Variants in EPB41 observed in about 807,000 individuals in gnomAD.
EPB41 encodes erythrocyte membrane protein band 4.1.
Under a neutral mutation model 108.0 loss-of-function variants are expected in EPB41, and 65 were observed. The ratio of observed to expected loss-of-function variants is 0.60; its 90% CI spans 0.49 to 0.74. EPB41 has a LOEUF of 0.74. Ranked by LOEUF, EPB41 falls within the 30% of genes least tolerant of loss-of-function variation. The pLI is 0.00. For missense variants in EPB41, 875 were observed against 1,037.0 expected (o/e 0.84, Z 2.15); for synonymous variants, 336 against 358.9 (o/e 0.94, Z 0.72).
chr1:28,961,912 G>A (rs528085936), intron 1 of EPB41, among the ~76,000 whole-genome samples: 1 of 152,060 alleles, frequency 6.6e-6, no homozygotes, highest in Non-Finnish European at 1.5e-5. Flanking sequence ...AACCCATCAT[G>A]GGTTTATAGC....
At position 28,944,534 on chromosome 1, in the gene EPB41, G is replaced by GTTTTTT. The variant is rs55849161; in HGVS notation, c.-8+29784_-8+29789dup. Among the ~76,000 whole-genome samples the GTTTTTT allele has an allele frequency of 3.7e-4, 36 of 97,416 alleles. 1 individual carries two copies. Among genetic ancestry groups the GTTTTTT allele is most frequent in the Non-Finnish European group, 4.1e-4 (21 of 50,624 alleles). The allele number at this position is 97,416 out of a possible 152,430, so 63.9% of individuals were successfully genotyped here. ...ATTAAACATAAAACTCTCAGATCTG[G>GTTTTTT]TTTTTTTTTTTTTTTTTTTTTTTGA... On this transcript the variant is annotated intron_variant, in intron 1 of 20. Coordinates refer to ENST00000343067, the MANE Select transcript of EPB41 (RefSeq NM_001376013.1).
At position 29,011,212 on chromosome 1, in the gene EPB41, A is replaced by G. The variant is rs903000693; in HGVS notation, c.787-653A>G. On this transcript the variant is annotated intron_variant, in intron 4 of 20. Transcript: ENST00000343067. ...AAACCCCATCTCTACTAAAAATACA[A>G]AAATTAGCCGGGTGTGGTCGTGGGC... 5.3e-5 allele frequency among the ~76,000 whole-genome samples: 8 copies of G among 151,390 alleles called. 2 individuals carry two copies. Among genetic ancestry groups the G allele is most frequent in the South Asian group, 2.1e-4 (1 of 4,794 alleles).
intron 8 of EPB41, among the ~76,000 whole-genome samples, chr1:29,032,097 TAAAA>T (rs76135314): frequency 1.6e-5 from 2 of 128,052 alleles, no homozygotes; most frequent in Non-Finnish European, 1.7e-5. Context: ...GACTCTGTCT[TAAAA>T]AAAAAAAAAA....
chr1:28,968,140 C>T (rs1377363491), intron 1 of EPB41, among the ~76,000 whole-genome samples: 1 of 151,882 alleles, frequency 6.6e-6, no homozygotes, highest in African/African-American at 2.4e-5. Context: ...GGACAGATCA[C>T]GAGGTCAAGA....
intron 7 of EPB41, among the ~76,000 whole-genome samples, chr1:29,020,258 G>A (rs773140875): frequency 6.6e-6 from 1 of 151,584 alleles, no homozygotes; most frequent in Middle Eastern, 3.4e-3. Context: ...TAGTAGAGAC[G>A]GGGTTTCACC....
At chr1:28,975,260 A>G (rs988048629) in intron 1 of EPB41, among the ~76,000 whole-genome samples, 2 of 152,162 alleles carry the variant, frequency 1.3e-5, no homozygotes, top group Non-Finnish European at 2.9e-5. Context: ...CATTTACCAA[A>G]GTGGGCTAAA....
At chr1:28,914,965 A>T (rs1010220844) in intron 1 of EPB41, among the ~76,000 whole-genome samples, 197 bp downstream of exon 1, 2 of 151,372 alleles carry the variant, frequency 1.3e-5, no homozygotes, top group African/African-American at 4.9e-5. Context: ...ACGCGGCCCG[A>T]GGAGCGAGGG....
intron 11 of EPB41, among the ~76,000 whole-genome samples, chr1:29,051,024 G>A (rs1042388686): frequency 6.7e-6 from 1 of 149,866 alleles, no homozygotes; most frequent in Non-Finnish European, 1.5e-5. Flanking sequence ...TATCCGCTAA[G>A]GAATTAGTTC....
At position 29,058,868 on chromosome 1, in the gene EPB41, CT is replaced by C; in HGVS notation, c.1944+19del. On this transcript the variant is annotated intron_variant, in intron 14 of 20. Transcript: ENST00000343067. The stretch of plus-strand genomic sequence containing the variant: ...AATGAGGAAGGTTAGCCATTTTTCA[CT>C]TTCACAAAACTACATTGCCATTTCA... 1 of 1,549,246 alleles carries C rather than the reference CT, an allele frequency of 6.5e-7. No individual in the cohort carries two copies. Among genetic ancestry groups the C allele is most frequent in the Non-Finnish European group, 8.7e-7 (1 of 1,144,982 alleles).
chr1:29,099,889 A>G (rs1664665095), intron 17 of EPB41, among the ~76,000 whole-genome samples: 2 of 152,258 alleles, frequency 1.3e-5, no homozygotes, highest in Admixed American at 1.3e-4. Flanking sequence ...TAAACAATGT[A>G]TAAGTAAATT....
At chr1:28,941,725 G>A (rs553996243) in intron 1 of EPB41, among the ~76,000 whole-genome samples, 62 of 151,824 alleles carry the variant, frequency 4.1e-4, no homozygotes, top group Non-Finnish European at 6.3e-4. Context: ...GAGAAACCCC[G>A]TCTCTACTAA....
chr1:29,069,358 A>G (rs1650121850), intron 16 of EPB41: 1 of 1,230,806 alleles, frequency 8.1e-7, no homozygotes, highest in Non-Finnish European at 1.0e-6. Context: ...AAAACTTCTC[A>G]ATTGGACAAT....
chr1:29,084,521 A>C (rs549954405), intron 16 of EPB41, among the ~76,000 whole-genome samples: 3 of 152,358 alleles, frequency 2.0e-5, no homozygotes, highest in African/African-American at 7.2e-5. Flanking sequence ...AATTGTGTAA[A>C]GTGACTGCAG....
At chr1:28,955,218 T>G (rs1010426962) in intron 1 of EPB41, among the ~76,000 whole-genome samples, 1 of 152,236 alleles carries the variant, frequency 6.6e-6, no homozygotes, top group African/African-American at 2.4e-5. Context: ...CTAAGGAATT[T>G]TCCTTCGTAT....
chr1:28,962,249 C>T (rs772834047), intron 1 of EPB41, among the ~76,000 whole-genome samples: 14 of 151,926 alleles, frequency 9.2e-5, no homozygotes, highest in South Asian at 2.1e-4. Flanking sequence ...TTAGTAGAGA[C>T]GGGGTTTCAC....
chr1:28,911,903 G>A (rs1161646206), upstream of EPB41, among the ~76,000 whole-genome samples: 4 of 40 alleles, frequency 0.1, no homozygotes, highest in Admixed American at 0.5. Flanking sequence ...TTAGCCAGGC[G>A]TGGTGCACAT....
chr1:29,056,572 C>G (rs1309391255), intron 12 of EPB41, among the ~76,000 whole-genome samples: 1 of 152,034 alleles, frequency 6.6e-6, no homozygotes. Flanking sequence ...GTCACCCAGG[C>G]TGGAGTGCAA....
At chr1:29,041,604 T>C (rs1641576031) in intron 11 of EPB41, 1 of 152,014 alleles carries the variant, frequency 6.6e-6, no homozygotes, top group African/African-American at 2.4e-5. Flanking sequence ...GCAAGATACA[T>C]GTTGTTATGT....
intron 1 of EPB41, among the ~76,000 whole-genome samples, chr1:28,901,096 A>AT (rs1392904971): frequency 1.3e-5 from 2 of 150,634 alleles, no homozygotes; most frequent in Non-Finnish European, 3.0e-5. Context: ...AGCCCGGCTA[A>AT]TTTTTTGTAT....
Sources: allele counts gnomAD v4.1 joint callset (sites outside exome capture counted in the v4.1 genomes callset), GRCh38; gene constraint gnomAD v4.1.1; transcripts MANE v1.5; gene names NCBI Gene and HGNC (gene_info 2026-07-23, HGNC 2026-07-21).